DSCAML1: variants seen among roughly 807,000 people sequenced by gnomAD.
DSCAML1 encodes the protein cell adhesion molecule DSCAML1.
In DSCAML1, 38 loss-of-function variants were observed where a neutral mutation model predicts 200.5. That is an observed-to-expected ratio of 0.19 (90% confidence interval 0.15 to 0.25). DSCAML1 has a LOEUF of 0.25. Ranked by LOEUF, DSCAML1 falls within the 10% of genes least tolerant of loss-of-function variation. DSCAML1 has a pLI of 1.00. For missense variants in DSCAML1, 2,223 were observed against 2,858.8 expected (o/e 0.78, Z 5.07); for synonymous variants, 1,215 against 1,165.0 (o/e 1.04, Z -0.87).
In DSCAML1 at chr11:117,570,027, C is replaced by T. The variant is rs79750686; in HGVS notation, c.512-37505G>A. On this transcript the variant is annotated intron_variant, in intron 3 of 32. Transcript: ENST00000651296. Reference sequence around the variant, plus strand: ...CTAATACAACCTTGAAGGATGAGGACATGTTTGCCAGGCAAAGAAGGCACG... The same window carrying T: ...CTAATACAACCTTGAAGGATGAGGATATGTTTGCCAGGCAAAGAAGGCACG... Among the ~76,000 whole-genome samples, 256 of 152,090 alleles carry T rather than the reference C, an allele frequency of 1.7e-3. 2 individuals are homozygous for T. Among genetic ancestry groups the T allele is most frequent in the African/African-American group, 5.9e-3 (243 of 41,488 alleles).
intron 8 of DSCAML1, among the ~76,000 whole-genome samples, chr11:117,511,667 CCT>C (rs1401780289): frequency 2.6e-5 from 4 of 152,186 alleles, no homozygotes; most frequent in African/African-American, 9.7e-5. Flanking sequence ...CACCCTCTCT[CCT>C]CTCTGCTCCT....
chr11:117,815,936 T>C (rs968691559), intron 1 of DSCAML1, among the ~76,000 whole-genome samples: 8 of 151,732 alleles, frequency 5.3e-5, no homozygotes, highest in African/African-American at 1.9e-4. Flanking sequence ...CCAAAACGGG[T>C]TGGGGAGCTG....
intron 3 of DSCAML1, among the ~76,000 whole-genome samples, chr11:117,635,820 G>A (rs1163228049): frequency 1.3e-5 from 2 of 152,142 alleles, no homozygotes; most frequent in Non-Finnish European, 2.9e-5. Context: ...ATAACGCTGG[G>A]TGGGAAACGC....
chr11:117,607,464 T>C (rs563209678), intron 3 of DSCAML1, among the ~76,000 whole-genome samples: 2 of 152,284 alleles, frequency 1.3e-5, no homozygotes, highest in African/African-American at 4.8e-5. Flanking sequence ...CCATGCACTG[T>C]TGTATCAGCC....
chr11:117,521,927 C>T (rs1311002570), intron 5 of DSCAML1, among the ~76,000 whole-genome samples: 2 of 152,206 alleles, frequency 1.3e-5, no homozygotes, highest in Non-Finnish European at 2.9e-5. Flanking sequence ...GTGGCAGCAC[C>T]TCCCTGCCTC....
Position 117,482,168 on chromosome 11 carries a change from G to A in DSCAML1, c.2360-6C>T, listed in dbSNP as rs201810411. On this transcript the variant is annotated splice_region_variant and splice_polypyrimidine_tract_variant and intron_variant, in intron 11 of 32. Transcript: ENST00000651296. ...GGAAGTGATCATGGCCGGGACTGGG[G>A]GGCGGAGGCAGAGAAGGCCCAGTGA... 1.1e-4 allele frequency: 178 copies of A among 1,613,824 alleles called. No individual in the cohort carries two copies. Among genetic ancestry groups the A allele is most frequent in the Admixed American group, 5.0e-4 (30 of 59,988 alleles).
chr11:117,755,744 C>G (rs753897555), intron 3 of DSCAML1, among the ~76,000 whole-genome samples: 2 of 152,142 alleles, frequency 1.3e-5, no homozygotes, highest in Non-Finnish European at 1.5e-5. Context: ...TTTTCCCCAC[C>G]CACAGGAGAT....
rs183134937 is a variant in DSCAML1, at chr11:117,595,289, T to C, written c.512-62767A>G. ...AATGTCTACTTTTTCCTGATTAAAA[T>C]AGAATACCAATTTGTTGTAAGAAAT... On this transcript the variant is annotated intron_variant, in intron 3 of 32. Transcript: ENST00000651296. Among the ~76,000 whole-genome samples, 13 of 152,238 alleles carry C rather than the reference T, an allele frequency of 8.5e-5. No individual in the cohort carries two copies. In the East Asian group the frequency reaches 2.5e-3, roughly 29 times the overall value.
At chr11:117,590,418 A>T (rs1167651023) in intron 3 of DSCAML1, among the ~76,000 whole-genome samples, 1 of 151,174 alleles carries the variant, frequency 6.6e-6, no homozygotes, top group Non-Finnish European at 1.5e-5. Flanking sequence ...TGCCTGGCAC[A>T]CCATGAGGGA....
At chr11:117,638,358 G>GTGTGTGTT (rs2052334377) in intron 3 of DSCAML1, among the ~76,000 whole-genome samples, 1 of 140,966 alleles carries the variant, frequency 7.1e-6, no homozygotes, top group South Asian at 2.2e-4. Context: ...GTGTGTGTGT[G>GTGTGTGTT]TGTGTGTTTG....
chr11:117,448,638 T>TGTG (rs1555169781), intron 20 of DSCAML1, among the ~76,000 whole-genome samples: 12 of 135,230 alleles, frequency 8.9e-5, no homozygotes, highest in South Asian at 5.1e-4. Context: ...TGTGTGTGTG[T>TGTG]GGGGGGTGGG....
chr11:117,652,335 C>T lies in DSCAML1; in HGVS notation c.512-119813G>A, dbSNP rs373006684. 3.3e-4 allele frequency among the ~76,000 whole-genome samples: 50 copies of T among 152,332 alleles called. 1 individual carries two copies. In the South Asian group the frequency reaches 3.5e-3, roughly 11 times the overall value. ...TGTGATGCTGCCATGCATATTATCC[C>T]CATGGGAAAGAACCAGGAGATGGAG... On this transcript the variant is annotated intron_variant, in intron 3 of 32. Transcript: ENST00000651296.
At chr11:117,734,489 G>A (rs2054284727) in intron 3 of DSCAML1, among the ~76,000 whole-genome samples, 1 of 152,166 alleles carries the variant, frequency 6.6e-6, no homozygotes, top group Non-Finnish European at 1.5e-5. Flanking sequence ...GTAGACTTGG[G>A]CCACCTCGGG....
At chr11:117,740,863 C>T (rs548316244) in intron 3 of DSCAML1, among the ~76,000 whole-genome samples, 63 of 152,348 alleles carry the variant, frequency 4.1e-4, no homozygotes, top group African/African-American at 1.3e-3. Flanking sequence ...TGACCAGAAG[C>T]AGGGGTTGGC....
chr11:117,516,818 T>C lies in DSCAML1; in HGVS notation c.1511-79A>G. 6.6e-7 allele frequency: 1 copy of C among 1,516,632 alleles called. No individual in the cohort carries two copies. Among genetic ancestry groups the C allele is most frequent in the African/African-American group, 1.4e-5 (1 of 73,038 alleles). The allele number at this position is 1,516,632 out of a possible 1,614,324, so 93.9% of individuals were successfully genotyped here. A position where few individuals can be genotyped will look rare whatever the true frequency, so the allele number is the denominator to read the frequency against. On this transcript the variant is annotated intron_variant, in intron 7 of 32. Transcript: ENST00000651296. This position sits in a 1 kb window ranked among gnomAD's most constrained non-coding sequence, Gnocchi z 5.7. ...AGCCAGGGACAGCCAGGCACCACCC[T>C]GCGGTGCTCTTCTCAGGCACTCGGC...
intron 3 of DSCAML1, among the ~76,000 whole-genome samples, chr11:117,753,399 C>A (rs1365426246): frequency 2.0e-5 from 3 of 152,198 alleles, no homozygotes; most frequent in African/African-American, 7.2e-5. Flanking sequence ...GTCACTTAAT[C>A]TCAGAGCCTT....
In DSCAML1 at chr11:117,810,013, TCA is replaced by T. The variant is rs932028212; in HGVS notation, c.-250+7375_-250+7376del. 1.9e-4 allele frequency among the ~76,000 whole-genome samples: 28 copies of T among 150,484 alleles called. 1 individual carries two copies. In the South Asian group the frequency reaches 3.1e-3, roughly 17 times the overall value. ...CATTCACATACACACATTCCCACAC[TCA>T]CACATATTCAAATATTTTCACACAC... On this transcript the variant is annotated intron_variant, in intron 1 of 2. Transcript: ENST00000525836.
intron 5 of DSCAML1, among the ~76,000 whole-genome samples, chr11:117,522,829 C>T (rs1389774874): frequency 6.6e-6 from 1 of 152,114 alleles, no homozygotes; most frequent in Non-Finnish European, 1.5e-5. Context: ...TTGCTTTCCT[C>T]TCCATGAACC....
At chr11:117,540,302 C>G (rs1185321886) in intron 3 of DSCAML1, among the ~76,000 whole-genome samples, 1 of 152,116 alleles carries the variant, frequency 6.6e-6, no homozygotes, top group African/African-American at 2.4e-5. Flanking sequence ...AGTGCGAACC[C>G]TATTGTGAAC....
Sources: gnomAD v4.1 joint callset for allele counts (sites outside exome capture counted in the v4.1 genomes callset) on GRCh38, gnomAD v4.1.1 for gene constraint, Gnocchi (gnomAD v3.1) non-coding constraint, MANE v1.5 for transcripts, NCBI Gene and HGNC (gene_info 2026-07-23, HGNC 2026-07-21) for gene names.